The following FBXO8 variants were observed in gnomAD, a reference collection of about 807,000 sequenced individuals.
FBXO8 encodes F-box protein 8, also known as F-box only protein 8.
A neutral mutation model predicts 33.4 loss-of-function variants in FBXO8; 15 were observed. That is an observed-to-expected ratio of 0.45 (90% CI 0.30 to 0.69). The LOEUF (loss-of-function observed/expected upper bound fraction) is 0.69. Ranked by LOEUF, FBXO8 falls within the 30% of genes least tolerant of loss-of-function variation. The pLI is 0.08. For missense variants in FBXO8, 274 were observed against 380.3 expected (o/e 0.72, Z 2.32); for synonymous variants, 132 against 131.5 (o/e 1.00, Z -0.02).
Position 174,254,150 on chromosome 4 carries a change from A to G in FBXO8, c.456+5549T>C, listed in dbSNP as rs1736362472. Among the ~76,000 whole-genome samples, 1 of 152,244 alleles carries G rather than the reference A, an allele frequency of 6.6e-6. No homozygotes were observed. Reference sequence around the variant, plus strand: ...AAATGTGGAACATGCTGAGTCGAGCAGCATAATGAAGGGTGCTGAGAACTC... The same window carrying G: ...AAATGTGGAACATGCTGAGTCGAGCGGCATAATGAAGGGTGCTGAGAACTC... On this transcript the variant is annotated intron_variant, in intron 3 of 5. Coordinates refer to ENST00000393674, the MANE Select transcript of FBXO8 (RefSeq NM_012180.3). The surrounding 1 kb of genome is among the most constrained non-coding windows in gnomAD (Gnocchi z 4.2).
Position 174,270,100 on chromosome 4 carries a change from T to G in FBXO8, c.-8-7000A>C, listed in dbSNP as rs1736802567. On this transcript the variant is annotated intron_variant, in intron 1 of 5. Coordinates refer to ENST00000393674, the MANE Select transcript of FBXO8 (RefSeq NM_012180.3). The surrounding 1 kb of genome is among the most constrained non-coding windows in gnomAD (Gnocchi z 4.6). ...ATGGCTACTGAATGGCTACTGAATG[T>G]GGACTGGCAACCAAACTGTGCGACC... is the stretch of plus-strand genomic sequence containing the variant. Among the ~76,000 whole-genome samples the G allele has an allele frequency of 6.6e-6, 1 of 152,248 alleles. No individual in the cohort carries two copies.
At position 174,274,293 on chromosome 4, in the gene FBXO8, C is replaced by T. The variant is rs1048033742; in HGVS notation, c.-9+9117G>A. Among the ~76,000 whole-genome samples the T allele has an allele frequency of 1.3e-5, 2 of 152,114 alleles. No individual in the cohort carries two copies. The highest frequency in any genetic ancestry group is 2.1e-4 in the South Asian group (1 of 4,832). On this transcript the variant is annotated intron_variant, in intron 1 of 5. Coordinates refer to ENST00000393674, the MANE Select transcript of FBXO8 (RefSeq NM_012180.3). The surrounding 1 kb of genome is among the most constrained non-coding windows in gnomAD (Gnocchi z 4.0). Reference sequence around the variant, plus strand: ...CTCATTCTTCTCATTAGTAAAATAACGGATAATAATTCTTATTCCATGGGA... The same window carrying T: ...CTCATTCTTCTCATTAGTAAAATAATGGATAATAATTCTTATTCCATGGGA...
At position 174,256,262 on chromosome 4, in the gene FBXO8, C is replaced by T. The variant is rs532119872; in HGVS notation, c.456+3437G>A. ...TACAATACTAAGCAATTATATACAT[C>T]TTATCTCAGGTACTTGCAAAAAGCA... On this transcript the variant is annotated intron_variant, in intron 3 of 5. Coordinates refer to ENST00000393674, the MANE Select transcript of FBXO8 (RefSeq NM_012180.3). The surrounding 1 kb of genome is among the most constrained non-coding windows in gnomAD (Gnocchi z 4.6). 1 of 387,266 alleles carries T rather than the reference C, an allele frequency of 2.6e-6. No homozygotes were observed. The highest frequency in any genetic ancestry group is 3.1e-5 in the Admixed American group (1 of 32,636). 24.0% of individuals were successfully genotyped at this position (387,266 alleles called of 1,614,324 possible). A position where few individuals can be genotyped will look rare whatever the true frequency, so the allele number is the denominator to read the frequency against.
chr4:174,261,210 A>G lies in FBXO8; in HGVS notation c.330-1385T>C, dbSNP rs1355882149. Among the ~76,000 whole-genome samples, 2 of 151,990 alleles carry G rather than the reference A, an allele frequency of 1.3e-5. No homozygotes were observed. The highest frequency in any genetic ancestry group is 2.9e-5 in the Non-Finnish European group (2 of 67,828). The stretch of plus-strand genomic sequence containing the variant: ...ACCCAAAACTAGAGTTTTATTACTA[A>G]GCTTTGTGAAAACCAGAGAACTTCC... On this transcript the variant is annotated intron_variant, in intron 2 of 5. Transcript: ENST00000393674. The surrounding 1 kb of genome is among the most constrained non-coding windows in gnomAD (Gnocchi z 4.1).
At chr4:174,273,488 G>T (rs991463412) in intron 1 of FBXO8, among the ~76,000 whole-genome samples, 1 of 152,054 alleles carries the variant, frequency 6.6e-6, no homozygotes, top group Non-Finnish European at 1.5e-5. Context: ...ATGGGCTGAA[G>T]ATTGGATAAA....
At chr4:174,260,293 A>G (rs943749170) in intron 2 of FBXO8, among the ~76,000 whole-genome samples, 2 of 152,058 alleles carry the variant, frequency 1.3e-5, no homozygotes, top group Non-Finnish European at 2.9e-5. Flanking sequence ...TTTCAACCCA[A>G]TGAGTAATCC....
chr4:174,254,061 G>C lies in FBXO8; in HGVS notation c.456+5638C>G, dbSNP rs1338356174. Among the ~76,000 whole-genome samples, 1 of 152,136 alleles carries C rather than the reference G, an allele frequency of 6.6e-6. No individual in the cohort carries two copies. The highest frequency in any genetic ancestry group is 2.4e-5 in the African/African-American group (1 of 41,436). Reference sequence around the variant, plus strand: ...TCACAGTTTAGGTTCTCTGTTCCTTGCAGCCAAAAACATCTTAGCTGATAC... The same window carrying C: ...TCACAGTTTAGGTTCTCTGTTCCTTCCAGCCAAAAACATCTTAGCTGATAC... On this transcript the variant is annotated intron_variant, in intron 3 of 5. Coordinates refer to ENST00000393674, the MANE Select transcript of FBXO8 (RefSeq NM_012180.3). The surrounding 1 kb of genome is among the most constrained non-coding windows in gnomAD (Gnocchi z 4.2).
Position 174,247,847 on chromosome 4 carries a change from C to G in FBXO8, c.457-6629G>C, listed in dbSNP as rs1041511818. Among the ~76,000 whole-genome samples, 1 of 151,984 alleles carries G rather than the reference C, an allele frequency of 6.6e-6. No individual in the cohort carries two copies. Among genetic ancestry groups the G allele is most frequent in the Non-Finnish European group, 1.5e-5 (1 of 67,926 alleles). ...TAAGATGACTGCTCTGATACTATTTCTTCTTTTCTACAGTGTTTGAAGAAT... is the reference window on the plus strand; with the variant it reads ...TAAGATGACTGCTCTGATACTATTTGTTCTTTTCTACAGTGTTTGAAGAAT... On this transcript the variant is annotated intron_variant, in intron 3 of 5. Transcript: ENST00000393674. This position sits in a 1 kb window ranked among gnomAD's most constrained non-coding sequence, Gnocchi z 4.6.
Position 174,278,938 on chromosome 4 carries a change from G to A in FBXO8, c.-9+4472C>T, listed in dbSNP as rs911146976. The stretch of plus-strand genomic sequence containing the variant: ...AGTCTCCTTCCTTAGCTAGTAGGGA[G>A]CATCAGCCAAGTCACTAAAATTTTG... On this transcript the variant is annotated intron_variant, in intron 1 of 5. Transcript: ENST00000393674. This position sits in a 1 kb window ranked among gnomAD's most constrained non-coding sequence, Gnocchi z 4.1. 1.3e-5 allele frequency among the ~76,000 whole-genome samples: 2 copies of A among 152,082 alleles called. No homozygotes were observed. The highest frequency in any genetic ancestry group is 6.5e-5 in the Admixed American group (1 of 15,270).
rs373033869 is a variant in FBXO8, at chr4:174,265,448, T to C, written c.-8-2348A>G. ...TTTCAAATCCTGTAAGCAACTACGA[T>C]GTACTTCATTATGCGAATGTATAAA... On this transcript the variant is annotated intron_variant, in intron 1 of 5. Transcript: ENST00000393674. This position sits in a 1 kb window ranked among gnomAD's most constrained non-coding sequence, Gnocchi z 4.7. Among the ~76,000 whole-genome samples, 5 of 152,312 alleles carry C rather than the reference T, an allele frequency of 3.3e-5. No homozygotes were observed. In the East Asian group the frequency reaches 7.7e-4, roughly 23 times the overall value.
In FBXO8 at chr4:174,248,072, G is replaced by A. The variant is rs184453463; in HGVS notation, c.457-6854C>T. On this transcript the variant is annotated intron_variant, in intron 3 of 5. Coordinates refer to ENST00000393674, the MANE Select transcript of FBXO8 (RefSeq NM_012180.3). ...GCTTTTTGGCTGCGGTGAAATAAGCGCAGAAGATTTCTTAATTAGTATGTT... is the reference window on the plus strand; with the variant it reads ...GCTTTTTGGCTGCGGTGAAATAAGCACAGAAGATTTCTTAATTAGTATGTT... 3.9e-5 allele frequency among the ~76,000 whole-genome samples: 6 copies of A among 152,130 alleles called. No homozygotes were observed. In the East Asian group the frequency reaches 7.7e-4, roughly 20 times the overall value.
rs1735902073 is a variant in FBXO8 at position 174,237,023 on chromosome 4, CTA to C, written c.*387_*388del. 6.5e-6 allele frequency: 1 copy of C among 155,014 alleles called. No homozygotes were observed. The highest frequency in any genetic ancestry group is 6.5e-5 in the Admixed American group (1 of 15,366). The allele number at this position is 155,014 out of a possible 1,614,324, so 9.6% of individuals were successfully genotyped here. ...AATCTTTACAATAAAATAATTATGA[CTA>C]TAAATCTCTTTAGTTAAATATGTAC... is the stretch of plus-strand genomic sequence containing the variant. On this transcript the variant is annotated 3_prime_UTR_variant, in exon 6 of 6. Transcript: ENST00000393674. This position sits in a 1 kb window ranked among gnomAD's most constrained non-coding sequence, Gnocchi z 4.4.
chr4:174,260,905 T>C (rs1467585517), intron 2 of FBXO8, among the ~76,000 whole-genome samples: 3 of 151,994 alleles, frequency 2.0e-5, no homozygotes, highest in African/African-American at 4.8e-5. Context: ...CTTTCTTATA[T>C]TCATTATTAA....
Position 174,261,784 on chromosome 4 carries a change from T to C in FBXO8, c.329+980A>G, listed in dbSNP as rs867885879. ...AATTTAGGAATGTCATTACTGAAAA[T>C]ATATTTTGACTAAAGTTTGTAATTT... is the stretch of plus-strand genomic sequence containing the variant. On this transcript the variant is annotated intron_variant, in intron 2 of 5. Transcript: ENST00000393674. The surrounding 1 kb of genome is among the most constrained non-coding windows in gnomAD (Gnocchi z 4.1). Among the ~76,000 whole-genome samples, 6 of 152,154 alleles carry C rather than the reference T, an allele frequency of 3.9e-5. No homozygotes were observed. In the Middle Eastern group the frequency reaches 0.017, roughly 434 times the overall value.
chr4:174,262,078 C>T lies in FBXO8; in HGVS notation c.329+686G>A, dbSNP rs545532133. 6.6e-6 allele frequency among the ~76,000 whole-genome samples: 1 copy of T among 151,938 alleles called. No individual in the cohort carries two copies. The highest frequency in any genetic ancestry group is 1.5e-5 in the Non-Finnish European group (1 of 67,948). On this transcript the variant is annotated intron_variant, in intron 2 of 5. Coordinates refer to ENST00000393674, the MANE Select transcript of FBXO8 (RefSeq NM_012180.3). This position sits in a 1 kb window ranked among gnomAD's most constrained non-coding sequence, Gnocchi z 4.6. ...AGGTTCAATAAAACAGATTCTATTCCAGCAAATGTTCTTAGATTTGTGGTT... is the reference window on the plus strand; with the variant it reads ...AGGTTCAATAAAACAGATTCTATTCTAGCAAATGTTCTTAGATTTGTGGTT...
In FBXO8 at chr4:174,274,560, CCAA is replaced by C. The variant is rs1736909559; in HGVS notation, c.-9+8847_-9+8849del. 6.6e-6 allele frequency among the ~76,000 whole-genome samples: 1 copy of C among 152,112 alleles called. No homozygotes were observed. Among genetic ancestry groups the C allele is most frequent in the Non-Finnish European group, 1.5e-5 (1 of 68,032 alleles). On this transcript the variant is annotated intron_variant, in intron 1 of 5. Transcript: ENST00000393674. The surrounding 1 kb of genome is among the most constrained non-coding windows in gnomAD (Gnocchi z 4.0). The stretch of plus-strand genomic sequence containing the variant: ...CCATTTACATAGCAAGGCCATAGTT[CCAA>C]CACGCACTAGTTTCAGTTAACATGG...
chr4:174,237,633 T>G lies in FBXO8; in HGVS notation c.773-34A>C. 1 of 1,547,088 alleles carries G rather than the reference T, an allele frequency of 6.5e-7. No individual in the cohort carries two copies. Among genetic ancestry groups the G allele is most frequent in the Admixed American group, 1.9e-5 (1 of 53,052 alleles). Reference sequence around the variant, plus strand: ...AAAAAGAAACAGTTCAAATTATTAGTTGGTTTACAAAATATGATTCCAATG... The same window carrying G: ...AAAAAGAAACAGTTCAAATTATTAGGTGGTTTACAAAATATGATTCCAATG... On this transcript the variant is annotated intron_variant, in intron 5 of 5. Coordinates refer to ENST00000393674, the MANE Select transcript of FBXO8 (RefSeq NM_012180.3). This position sits in a 1 kb window ranked among gnomAD's most constrained non-coding sequence, Gnocchi z 4.4.
Position 174,265,190 on chromosome 4 carries a change from T to C in FBXO8, c.-8-2090A>G, listed in dbSNP as rs1736665162. ...GAAGACAGGTAGTTTCTTTAAAAAT[T>C]AAACATACTTTGTATGATTCAGCAT... On this transcript the variant is annotated intron_variant, in intron 1 of 5. Coordinates refer to ENST00000393674, the MANE Select transcript of FBXO8 (RefSeq NM_012180.3). The surrounding 1 kb of genome is among the most constrained non-coding windows in gnomAD (Gnocchi z 4.7). Among the ~76,000 whole-genome samples the C allele has an allele frequency of 6.6e-6, 1 of 152,156 alleles. No homozygotes were observed. The highest frequency in any genetic ancestry group is 2.1e-4 in the South Asian group (1 of 4,830).
At position 174,237,665 on chromosome 4, in the gene FBXO8, T is replaced by C; in HGVS notation, c.773-66A>G. Reference sequence around the variant, plus strand: ...ACAAAATATGATTCCAATGGCATTATATAAGGCAAAAATGTTCATAATTTC... The same window carrying C: ...ACAAAATATGATTCCAATGGCATTACATAAGGCAAAAATGTTCATAATTTC... On this transcript the variant is annotated intron_variant, in intron 5 of 5. Transcript: ENST00000393674. The surrounding 1 kb of genome is among the most constrained non-coding windows in gnomAD (Gnocchi z 4.4). 1 of 1,311,302 alleles carries C rather than the reference T, an allele frequency of 7.6e-7. No individual in the cohort carries two copies. Among genetic ancestry groups the C allele is most frequent in the East Asian group, 2.5e-5 (1 of 40,596 alleles). 81.2% of individuals were successfully genotyped at this position (1,311,302 alleles called of 1,614,324 possible).
Sources: gnomAD v4.1 joint callset for allele counts (sites outside exome capture counted in the v4.1 genomes callset) on GRCh38, gnomAD v4.1.1 for gene constraint, Gnocchi (gnomAD v3.1) non-coding constraint, MANE v1.5 for transcripts, NCBI Gene and HGNC (gene_info 2026-07-23, HGNC 2026-07-21) for gene names.